TRAK1: variants seen among roughly 807,000 people sequenced by gnomAD.
The protein encoded by TRAK1 is trafficking kinesin protein 1.
Under a neutral mutation model 92.1 loss-of-function variants are expected in TRAK1, and 33 were observed. The observed-to-expected ratio is 0.36, with a 90% CI of 0.27 to 0.48. The LOEUF (loss-of-function observed/expected upper bound fraction) is 0.48. Among genes scored for constraint, TRAK1 ranks in the 20% least tolerant of loss-of-function variants. TRAK1 has a pLI of 0.99. For synonymous variants in TRAK1, 521 were observed against 517.3 expected, an observed-to-expected ratio of 1.01 and a Z score of -0.10; for missense variants, 1,123 against 1,257.9, an observed-to-expected ratio of 0.89 and a Z score of 1.62.
In TRAK1 at chr3:42,125,538, C is replaced by G. The variant is rs1710442494; in HGVS notation, c.210C>G (p.Leu70=). 2 of 1,614,198 alleles carry G rather than the reference C, an allele frequency of 1.2e-6. No homozygotes were observed. Among genetic ancestry groups the G allele is most frequent in the Non-Finnish European group, 1.7e-6 (2 of 1,180,028 alleles). The change falls in exon 2 of 16, where the codon CTC becomes CTG. Residue 70 remains leucine, a synonymous_variant. Transcript: ENST00000327628. ...ACGGTTATGACCACGACGACTGGCTCCATACACCTCTCATTTCTCCAGATG... is the reference window on the plus strand; with the variant it reads ...ACGGTTATGACCACGACGACTGGCTGCATACACCTCTCATTTCTCCAGATG... ...TIYGYDHDDW[L]HTPLISPDAN... is the part of the protein sequence containing the mutation.
At chr3:42,211,517 TG>T (rs1390571122) in intron 14 of TRAK1, 52 of 985,242 alleles carry the variant, frequency 5.3e-5, no homozygotes, top group Non-Finnish European at 6.0e-5. Flanking sequence ...GGAAGGCAGG[TG>T]GTGGTGCAGA....
At chr3:42,179,763 T>C (rs1703740360) in intron 3 of TRAK1, among the ~76,000 whole-genome samples, 2 of 152,224 alleles carry the variant, frequency 1.3e-5, no homozygotes, top group African/African-American at 4.8e-5. Context: ...AGCTCTACCT[T>C]GCCTCATTTC....
intron 1 of TRAK1, among the ~76,000 whole-genome samples, chr3:42,050,688 T>C (rs6791328): frequency 0.34 from 51,747 of 152,002 alleles, 12,734 homozygotes; most frequent in African/African-American, 0.7. Context: ...GATGGAGTCT[T>C]GCTCTATTGC....
chr3:42,054,560 T>TG (rs1291893608), intron 1 of TRAK1, among the ~76,000 whole-genome samples: 1 of 152,210 alleles, frequency 6.6e-6, no homozygotes, highest in East Asian at 1.9e-4. Flanking sequence ...CTACCTAGCC[T>TG]GGTGCCTGGA....
intron 1 of TRAK1, among the ~76,000 whole-genome samples, chr3:42,042,297 A>G (rs1291885395): frequency 1.3e-5 from 2 of 150,568 alleles, no homozygotes; most frequent in African/African-American, 5.0e-5. Context: ...TTCTGCATCT[A>G]TTGAGATGGT....
chr3:42,013,389 G>A (rs560028147), upstream of TRAK1, among the ~76,000 whole-genome samples: 86 of 152,268 alleles, frequency 5.6e-4, no homozygotes, highest in African/African-American at 2.1e-3. The surrounding 1 kb of genome is among the most constrained non-coding windows in gnomAD (Gnocchi z 5.1). Flanking sequence ...GCTCGGGGAG[G>A]GATGTGATCA....
intron 2 of TRAK1, among the ~76,000 whole-genome samples, chr3:42,153,363 C>T (rs544733019): frequency 4.5e-4 from 69 of 152,112 alleles, no homozygotes; most frequent in African/African-American, 1.6e-3. Flanking sequence ...TGCCACTGTA[C>T]TCCAGCCTGG....
upstream of TRAK1, among the ~76,000 whole-genome samples, chr3:42,085,052 G>A (rs1343455193): frequency 6.6e-6 from 1 of 152,000 alleles, no homozygotes; most frequent in Non-Finnish European, 1.5e-5. Context: ...AACTTTTCGA[G>A]TGTTTACATG....
chr3:42,201,197 G>A (rs372861844), intron 12 of TRAK1, 143 bp downstream of exon 12: 31 of 870,272 alleles, frequency 3.6e-5, no homozygotes, highest in African/African-American at 2.0e-4. Context: ...GGTGGCTCGC[G>A]CCTATAATCC....
intron 2 of TRAK1, among the ~76,000 whole-genome samples, chr3:42,148,233 G>C (rs183881194): frequency 1.3e-5 from 2 of 152,310 alleles, no homozygotes; most frequent in Admixed American, 6.5e-5. Context: ...GTGGAGGGTA[G>C]TGCTACCTGC....
chr3:42,223,009 C>T lies in TRAK1; in HGVS notation c.2134C>T (p.Pro712Ser). ...CTTGAAATCCACGCCGGTGGCCACACCATGCACTCCACGGAGACTGAGCCT... is the reference window on the plus strand; with the variant it reads ...CTTGAAATCCACGCCGGTGGCCACATCATGCACTCCACGGAGACTGAGCCT... The part of the protein sequence containing the change: ...SHLKSTPVAT[P>S]CTPRRLSLAE... The change falls in exon 16 of 16, where the codon CCA (proline) becomes TCA (serine). Residue 712 changes from proline to serine, a missense_variant. Physicochemically the swap from Pro to Ser is moderately conservative, Grantham distance 74. Coordinates refer to ENST00000327628, the MANE Select transcript of TRAK1 (RefSeq NM_001042646.3). The surrounding 1 kb of genome is among the most constrained non-coding windows in gnomAD (Gnocchi z 6.1). The T allele has an allele frequency of 1.9e-6, 3 of 1,614,170 alleles. No homozygotes were observed. The highest frequency in any genetic ancestry group is 2.5e-6 in the Non-Finnish European group (3 of 1,180,030).
chr3:42,183,719 T>C (rs1704373361), intron 3 of TRAK1, among the ~76,000 whole-genome samples: 1 of 152,140 alleles, frequency 6.6e-6, no homozygotes, highest in South Asian at 2.1e-4. Flanking sequence ...CATGTTTCCA[T>C]TCTTTCTTTC....
intron 15 of TRAK1, among the ~76,000 whole-genome samples, chr3:42,222,586 T>C (rs1487177648): frequency 6.6e-6 from 1 of 152,228 alleles, no homozygotes; most frequent in Non-Finnish European, 1.5e-5. Flanking sequence ...CCTTTCCCGT[T>C]CTCTAACAGA....
At position 42,158,961 on chromosome 3, in the gene TRAK1, AAATAATAATAATAAT is replaced by A. The variant is rs4016239; in HGVS notation, c.287-17825_287-17811del. Among the ~76,000 whole-genome samples the A allele has an allele frequency of 2.6e-3, 365 of 140,170 alleles. 5 individuals carry two copies. In the East Asian group the frequency reaches 0.044, roughly 17 times the overall value. 92.0% of individuals were successfully genotyped at this position (140,170 alleles called of 152,430 possible). On this transcript the variant is annotated intron_variant, in intron 2 of 15. Coordinates refer to ENST00000327628, the MANE Select transcript of TRAK1 (RefSeq NM_001042646.3). ...GCGACAAAGCAAGACTCTGTCTCAA[AAATAATAATAATAAT>A]AATAATAATAATAATAATAATAATA...
chr3:42,211,592 C>G (rs1489566309), intron 14 of TRAK1: 1 of 985,228 alleles, frequency 1.0e-6, no homozygotes, highest in Non-Finnish European at 1.2e-6. Context: ...GGGATGCTCC[C>G]CTACAGCCTT....
chr3:42,154,464 C>T lies in TRAK1; in HGVS notation c.287-22350C>T, dbSNP rs1700314738. On this transcript the variant is annotated intron_variant, in intron 2 of 15. Transcript: ENST00000327628. ...CTGGGATTACAGGCGTGAACCACTG[C>T]ACCCAGCCTTATTTATTTATTTATT... Among the ~76,000 whole-genome samples the T allele has an allele frequency of 2.6e-5, 4 of 151,774 alleles. No individual in the cohort carries two copies. The South Asian group carries it at 8.3e-4, about 32-fold the overall frequency.
intron 3 of TRAK1, among the ~76,000 whole-genome samples, chr3:42,177,760 A>ACCGTTTTTGTGTGTCTCTCTTCCC (rs1703407128): frequency 6.6e-6 from 1 of 152,000 alleles, no homozygotes; most frequent in Non-Finnish European, 1.5e-5. Context: ...GCATTCTTCC[A>ACCGTTTTTGTGTGTCTCTCTTCCC]CCGTTTTTGT....
chr3:42,203,205 T>G, intron 13 of TRAK1: 2 of 1,117,528 alleles, frequency 1.8e-6, no homozygotes, highest in South Asian at 8.9e-5. Flanking sequence ...ATGGGGATTT[T>G]TTTTTCCCCA....
At chr3:42,216,316 C>G (rs1207426832) in intron 14 of TRAK1, among the ~76,000 whole-genome samples, 1 of 152,178 alleles carries the variant, frequency 6.6e-6, no homozygotes, top group African/African-American at 2.4e-5. Flanking sequence ...TCCCTCCTCA[C>G]TGGCTGCAGC....
Sources: allele counts gnomAD v4.1 joint callset (sites outside exome capture counted in the v4.1 genomes callset), GRCh38; gene constraint gnomAD v4.1.1; non-coding constraint Gnocchi (gnomAD v3.1); transcripts MANE v1.5; gene names NCBI Gene and HGNC (gene_info 2026-07-23, HGNC 2026-07-21).